The following ZC3H6 variants were observed in gnomAD, a reference collection of about 807,000 sequenced individuals.
ZC3H6 encodes the protein zinc finger CCCH-type containing 6, also known as zinc finger CCCH domain-containing protein 6.
A neutral mutation model predicts 107.7 loss-of-function variants in ZC3H6; 40 were observed. The ratio of observed to expected loss-of-function variants is 0.37; its 90% CI spans 0.29 to 0.48. The LOEUF is 0.48. Among genes scored for constraint, ZC3H6 ranks in the 20% least tolerant of loss-of-function variants. The pLI is 0.98. For missense variants in ZC3H6, 1,267 were observed against 1,410.4 expected (o/e 0.90, Z 1.63); for synonymous variants, 493 against 487.9 (o/e 1.01, Z -0.14).
chr2:112,322,970 C>T, intron 9 of ZC3H6, 68 bp downstream of exon 9: 2 of 1,454,828 alleles, frequency 1.4e-6, no homozygotes, highest in Admixed American at 4.4e-5. Context: ...GAAACTAAGT[C>T]ATACTCCAAG....
intron 1 of ZC3H6, among the ~76,000 whole-genome samples, chr2:112,285,892 C>T (rs1270817470): frequency 2.6e-5 from 4 of 151,794 alleles, no homozygotes; most frequent in Non-Finnish European, 5.9e-5. Context: ...ATCCAGGAGG[C>T]GGAGGCTGCA....
intron 1 of ZC3H6, among the ~76,000 whole-genome samples, chr2:112,279,368 G>A (rs1686486086): frequency 6.6e-6 from 1 of 152,208 alleles, no homozygotes; most frequent in South Asian, 2.1e-4. Flanking sequence ...TATAACCCAA[G>A]TAATTGTTAC....
chr2:112,317,151 CTGT>C (rs769610872), intron 6 of ZC3H6, 67 bp from the exon 7 acceptor site: 3 of 803,970 alleles, frequency 3.7e-6, no homozygotes, highest in South Asian at 2.3e-5. Flanking sequence ...GAAAATTCAG[CTGT>C]TGTTTCTTTG....
At chr2:112,330,055 GTTTT>G (rs796884389) in intron 11 of ZC3H6, among the ~76,000 whole-genome samples, 1 of 142,790 alleles carries the variant, frequency 7.0e-6, no homozygotes, top group East Asian at 2.0e-4. Flanking sequence ...AGGATGGTAG[GTTTT>G]TTTTTTTTTT....
At chr2:112,321,061 G>C (rs947910341) in intron 7 of ZC3H6, among the ~76,000 whole-genome samples, 1 of 151,850 alleles carries the variant, frequency 6.6e-6, no homozygotes, top group Admixed American at 6.6e-5. Flanking sequence ...CCTTATCAGT[G>C]TTTACAATAA....
chr2:112,299,973 C>G lies in ZC3H6; in HGVS notation c.157C>G (p.His53Asp). 2.0e-6 allele frequency: 3 copies of G among 1,496,440 alleles called. No homozygotes were observed. Among genetic ancestry groups the G allele is most frequent in the Non-Finnish European group, 2.7e-6 (3 of 1,123,642 alleles). 92.7% of individuals were successfully genotyped at this position (1,496,440 alleles called of 1,614,324 possible). A position where few individuals can be genotyped will look rare whatever the true frequency, so the allele number is the denominator to read the frequency against. Reference sequence around the variant, plus strand: ...AGCCTACAGAAAATCAAGAAAAAAACATAAGAAAGAGAGAGAGAAGAAAAA... The same window carrying G: ...AGCCTACAGAAAATCAAGAAAAAAAGATAAGAAAGAGAGAGAGAAGAAAAA... ...EKAYRKSRKKHKKEREKKKSK... is the reference protein window; with the variant it reads ...EKAYRKSRKKDKKEREKKKSK... Residue 53 changes from histidine to aspartate, a missense_variant, in exon 2 of 12, where the codon CAT (histidine) becomes GAT (aspartate). This residue lies in a region of ZC3H6 where 337 missense variants were observed against 361.2 expected (regional missense o/e 0.93). Transcript: ENST00000409871.
chr2:112,296,696 G>A (rs1676242850), intron 1 of ZC3H6, among the ~76,000 whole-genome samples: 1 of 152,152 alleles, frequency 6.6e-6, no homozygotes, highest in African/African-American at 2.4e-5. Flanking sequence ...AGCCACTTTA[G>A]GGTCGTATCA....
rs758179136 is a variant in ZC3H6 at position 112,324,477 on chromosome 2, T to C, written c.1666T>C (p.Phe556Leu). ...SMGGAYHSPGFPGHVMKVPRE... is the reference protein window; with the variant it reads ...SMGGAYHSPGLPGHVMKVPRE... ...GGGTGGGGCTTACCACTCCCCAGGCTTTCCAGGACATGTGATGAAAGTACC... is the reference window on the plus strand; with the variant it reads ...GGGTGGGGCTTACCACTCCCCAGGCCTTCCAGGACATGTGATGAAAGTACC... Residue 556 changes from phenylalanine to leucine, a missense_variant, in exon 10 of 12, where the codon TTT becomes CTT. Physicochemically the swap from Phe to Leu is conservative, Grantham distance 22. Coordinates refer to ENST00000409871, the MANE Select transcript of ZC3H6 (RefSeq NM_198581.3). 6.2e-7 allele frequency: 1 copy of C among 1,613,860 alleles called. No individual in the cohort carries two copies.
At chr2:112,322,138 TC>T (rs568656872) in intron 8 of ZC3H6, among the ~76,000 whole-genome samples, 161 of 146,688 alleles carry the variant, frequency 1.1e-3, no homozygotes, top group African/African-American at 3.9e-3. Flanking sequence ...CTTCCCTCCT[TC>T]CCTCCTTCCT....
At chr2:112,307,267 C>T (rs1303246399) in intron 3 of ZC3H6, among the ~76,000 whole-genome samples, 1 of 152,092 alleles carries the variant, frequency 6.6e-6, no homozygotes, top group Non-Finnish European at 1.5e-5. Flanking sequence ...ACTGTTAACC[C>T]CCCAGCAGTT....
chr2:112,326,226 T>G (rs1348507686), intron 11 of ZC3H6, among the ~76,000 whole-genome samples: 3 of 152,106 alleles, frequency 2.0e-5, no homozygotes, highest in Admixed American at 1.3e-4. Flanking sequence ...CCAGGTATAC[T>G]CTTTTAGTTT....
At position 112,331,989 on chromosome 2, in the gene ZC3H6, A is replaced by G; in HGVS notation, c.3071A>G (p.Tyr1024Cys). 1.2e-6 allele frequency: 2 copies of G among 1,613,938 alleles called. No individual in the cohort carries two copies. Among genetic ancestry groups the G allele is most frequent in the East Asian group, 4.5e-5 (2 of 44,880 alleles). Residue 1024 changes from tyrosine (Y) to cysteine (C), a missense_variant, in exon 12 of 12, where the codon TAT becomes TGT. This residue lies in a region of ZC3H6 where 925 missense variants were observed against 1,025.7 expected (regional missense o/e 0.90). Coordinates refer to ENST00000409871, the MANE Select transcript of ZC3H6 (RefSeq NM_198581.3). Reference protein sequence around the residue: ...SNSGSGALPPYAPKLSSSAGL... With the variant: ...SNSGSGALPPCAPKLSSSAGL... ...TCTGGTTCCGGGGCTCTGCCTCCAT[A>G]TGCCCCTAAACTCTCTTCCTCAGCT...
chr2:112,337,609 A>C lies in ZC3H6; in HGVS notation c.*5121A>C, dbSNP rs1488432615. 1 of 152,068 alleles carries C rather than the reference A, an allele frequency of 6.6e-6. No individual in the cohort carries two copies. The highest frequency in any genetic ancestry group is 1.5e-5 in the Non-Finnish European group (1 of 68,076). 9.4% of individuals were successfully genotyped at this position (152,068 alleles called of 1,614,324 possible). ...AGTGTTGGGGTTACAGGCGTGAGCCACCGTGCTCAGCCTGTTTTTTATTTA... is the reference window on the plus strand; with the variant it reads ...AGTGTTGGGGTTACAGGCGTGAGCCCCCGTGCTCAGCCTGTTTTTTATTTA... On this transcript the variant is annotated 3_prime_UTR_variant, in exon 12 of 12. Coordinates refer to ENST00000409871, the MANE Select transcript of ZC3H6 (RefSeq NM_198581.3).
rs1677040042 is a variant in ZC3H6 at position 112,331,868 on chromosome 2, G to A, written c.2950G>A (p.Val984Met). The A allele has an allele frequency of 5.6e-6, 9 of 1,613,968 alleles. No individual in the cohort carries two copies. The highest frequency in any genetic ancestry group is 7.6e-6 in the Non-Finnish European group (9 of 1,179,892). ...ACTGCCCAATACAGAGTCTCATCAA[G>A]TGGTTATGAAGGATTCACATGCATC... Reference protein sequence around the residue: ...HRLPNTESHQVVMKDSHASKG... With the variant: ...HRLPNTESHQMVMKDSHASKG... Residue 984 changes from valine (V) to methionine (M), a missense_variant, in exon 12 of 12, where the codon GTG (valine) becomes ATG (methionine). Physicochemically the swap from Val to Met is conservative, Grantham distance 21 (BLOSUM62 1). This residue lies in a region of ZC3H6 where 925 missense variants were observed against 1,025.7 expected (regional missense o/e 0.90). Coordinates refer to ENST00000409871, the MANE Select transcript of ZC3H6 (RefSeq NM_198581.3).
rs374826097 is a variant in ZC3H6 at position 112,322,705 on chromosome 2, T to C, written c.1143T>C (p.Leu381=). The change falls in exon 9 of 12, where the codon CTT becomes CTC. Residue 381 remains leucine (L), a synonymous_variant. Coordinates refer to ENST00000409871, the MANE Select transcript of ZC3H6 (RefSeq NM_198581.3). ...INEDERELEE[L]RKRGITPLPK... ...AAGATGAAAGAGAATTAGAGGAACT[T>C]AGAAAGCGTGGCATAACTCCTCTTC... 1 of 1,613,260 alleles carries C rather than the reference T, an allele frequency of 6.2e-7. No individual in the cohort carries two copies. The highest frequency in any genetic ancestry group is 1.3e-5 in the African/African-American group (1 of 74,978).
At chr2:112,314,974 G>A (rs1676669652) in intron 5 of ZC3H6, among the ~76,000 whole-genome samples, 1 of 152,022 alleles carries the variant, frequency 6.6e-6, no homozygotes, top group South Asian at 2.1e-4. Context: ...TGAATGCTGG[G>A]GATCAGATTT....
intron 1 of ZC3H6, among the ~76,000 whole-genome samples, chr2:112,291,618 G>C (rs1444731350): frequency 6.6e-6 from 1 of 152,212 alleles, no homozygotes; most frequent in African/African-American, 2.4e-5. Flanking sequence ...CAGTCTGCTT[G>C]CTGGTTAAGT....
Position 112,322,650 on chromosome 2 carries a change from T to C in ZC3H6, c.1088T>C (p.Val363Ala), listed in dbSNP as rs755150437. 4 of 1,587,754 alleles carry C rather than the reference T, an allele frequency of 2.5e-6. No homozygotes were observed. The South Asian group carries it at 4.7e-5, about 19-fold the overall frequency. Residue 363 changes from valine (V) to alanine (A), a missense_variant and splice_region_variant, in exon 9 of 12, where the codon GTG becomes GCG. Physicochemically the swap from Val to Ala is moderately conservative, Grantham distance 64 (BLOSUM62 0). Coordinates refer to ENST00000409871, the MANE Select transcript of ZC3H6 (RefSeq NM_198581.3). ...TKETKKLLDK[V>A]LNTDEELINE... Reference sequence around the variant, plus strand: ...GTAATCTTTGCCAATTATTTTTAGGTGTTGAATACTGATGAAGAACTCATA... The same window carrying C: ...GTAATCTTTGCCAATTATTTTTAGGCGTTGAATACTGATGAAGAACTCATA...
At position 112,289,280 on chromosome 2, in the gene ZC3H6, G is replaced by C. The variant is rs548355373; in HGVS notation, c.33-10569G>C. Among the ~76,000 whole-genome samples the C allele has an allele frequency of 8.5e-4, 128 of 149,796 alleles. 2 individuals are homozygous for C. Among genetic ancestry groups the C allele is most frequent in the African/African-American group, 2.8e-3 (112 of 40,572 alleles). On this transcript the variant is annotated intron_variant, in intron 1 of 11. Coordinates refer to ENST00000409871, the MANE Select transcript of ZC3H6 (RefSeq NM_198581.3). ...CCCAAAGTGCTAGGGTTACAGGCATGAGCCACCCGTGCCAGGCCCTGAACA... is the reference window on the plus strand; with the variant it reads ...CCCAAAGTGCTAGGGTTACAGGCATCAGCCACCCGTGCCAGGCCCTGAACA...
Sources: gnomAD v4.1 joint callset for allele counts (sites outside exome capture counted in the v4.1 genomes callset) on GRCh38, gnomAD v4.1.1 for gene constraint, gnomAD v4.1.1 regional missense constraint, MANE v1.5 for transcripts, NCBI Gene and HGNC (gene_info 2026-07-23, HGNC 2026-07-21) for gene names.